The following VPS8 variants were observed in gnomAD, a reference collection of about 807,000 sequenced individuals.
VPS8 encodes VPS8 subunit of CORVET complex.
VPS8 carries 129 observed loss-of-function variants against 216.4 expected under a neutral mutation model. The observed-to-expected ratio is 0.60, with a 90% CI of 0.52 to 0.69. The LOEUF (loss-of-function observed/expected upper bound fraction) is 0.69, where lower values mean the gene tolerates loss of function less well. Ranked by LOEUF, VPS8 falls within the 30% of genes least tolerant of loss-of-function variation. The pLI, the probability that VPS8 is intolerant of heterozygous loss-of-function variation, is 0.00. For synonymous variants in VPS8, 571 were observed against 565.4 expected (o/e 1.01, Z -0.14); for missense variants, 1,531 against 1,683.5 (o/e 0.91, Z 1.59).
rs776520780 is a variant in VPS8 at position 184,834,634 on chromosome 3, C to CA, written c.354-15_354-14insA. The stretch of plus-strand genomic sequence containing the variant: ...TTTTTATCTGTTTTTAAATGTTTTT[C>CA]TTTTTTTTTTTCAGGAAGAAGAAAT... On this transcript the variant is annotated splice_polypyrimidine_tract_variant and intron_variant, in intron 4 of 47. Coordinates refer to ENST00000625842, the MANE Select transcript of VPS8 (RefSeq NM_001009921.3). The CA allele has an allele frequency of 8.7e-6, 10 of 1,143,816 alleles. No individual in the cohort carries two copies. The highest frequency in any genetic ancestry group is 1.2e-5 in the Non-Finnish European group (10 of 845,826). 70.9% of individuals were successfully genotyped at this position (1,143,816 alleles called of 1,614,324 possible). A position where few individuals can be genotyped will look rare whatever the true frequency, so the allele number is the denominator to read the frequency against.
chr3:185,027,995 G>A (rs546886482), intron 46 of VPS8, among the ~76,000 whole-genome samples: 10 of 152,238 alleles, frequency 6.6e-5, no homozygotes, highest in South Asian at 2.1e-4. Context: ...TCACCATGGC[G>A]GTTAACAAGT....
intron 3 of VPS8, among the ~76,000 whole-genome samples, chr3:184,828,857 A>G (rs1719377477): frequency 6.6e-6 from 1 of 152,228 alleles, no homozygotes; most frequent in African/African-American, 2.4e-5. Flanking sequence ...GCAGCCGAAC[A>G]TTACTAGTAC....
At chr3:184,951,881 C>T (rs1047103698) in intron 36 of VPS8, among the ~76,000 whole-genome samples, 2 of 152,166 alleles carry the variant, frequency 1.3e-5, no homozygotes. Flanking sequence ...GATTATTTCC[C>T]ATCAGACACG....
At chr3:184,862,225 C>T (rs1309624532) in intron 15 of VPS8, among the ~76,000 whole-genome samples, 3 of 151,912 alleles carry the variant, frequency 2.0e-5, no homozygotes, top group African/African-American at 4.8e-5. Flanking sequence ...TCTTGGGAAA[C>T]GATTGGGATT....
Position 184,898,666 on chromosome 3 carries a change from C to G in VPS8, c.2094+12C>G, listed in dbSNP as rs1733949572. 1 of 1,527,648 alleles carries G rather than the reference C, an allele frequency of 6.5e-7. No homozygotes were observed. Among genetic ancestry groups the G allele is most frequent in the Admixed American group, 2.2e-5 (1 of 45,706 alleles). 94.6% of individuals were successfully genotyped at this position (1,527,648 alleles called of 1,614,324 possible). A position where few individuals can be genotyped will look rare whatever the true frequency, so the allele number is the denominator to read the frequency against. On this transcript the variant is annotated intron_variant, in intron 24 of 47. Transcript: ENST00000625842. ...TTAGTCCAATGGAGGTAAGATACTT[C>G]CTAACTTGGATACGTAATTAATTTT... is the stretch of plus-strand genomic sequence containing the variant.
chr3:184,977,976 G>A (rs773443367), intron 40 of VPS8, among the ~76,000 whole-genome samples: 4 of 149,284 alleles, frequency 2.7e-5, no homozygotes, highest in African/African-American at 4.9e-5. Flanking sequence ...TCTCTCCTCC[G>A]TAATTTTTTT....
chr3:184,972,946 A>G (rs1011990060), intron 40 of VPS8, among the ~76,000 whole-genome samples: 2 of 152,222 alleles, frequency 1.3e-5, no homozygotes, highest in African/African-American at 4.8e-5. Context: ...ATATTTAGCC[A>G]TACATGTTAC....
chr3:184,839,680 C>T lies in VPS8; in HGVS notation c.481-18C>T, dbSNP rs777971362. The stretch of plus-strand genomic sequence containing the variant: ...TTAATGTAATGTCTTAAAACGTAAT[C>T]TTCCCTTTTGTTTTCAGGCAGTATC... On this transcript the variant is annotated intron_variant, in intron 6 of 47. Transcript: ENST00000625842. The T allele has an allele frequency of 6.3e-7, 1 of 1,593,840 alleles. No homozygotes were observed. Among genetic ancestry groups the T allele is most frequent in the African/African-American group, 1.3e-5 (1 of 74,628 alleles).
At chr3:184,888,413 A>G (rs1292861926) in intron 22 of VPS8, among the ~76,000 whole-genome samples, 1 of 152,216 alleles carries the variant, frequency 6.6e-6, no homozygotes, top group Non-Finnish European at 1.5e-5. Context: ...TAGCTGATGG[A>G]CAGTGATTGT....
intron 26 of VPS8, among the ~76,000 whole-genome samples, chr3:184,914,018 C>T (rs1266868223): frequency 6.6e-6 from 1 of 152,150 alleles, no homozygotes; most frequent in East Asian, 1.9e-4. Context: ...AAGTTAGTAA[C>T]AGAGGTAAAA....
chr3:184,924,709 C>G (rs1215082514), intron 29 of VPS8, among the ~76,000 whole-genome samples, 153 bp from the exon 30 acceptor site: 1 of 151,926 alleles, frequency 6.6e-6, no homozygotes, highest in East Asian at 1.9e-4. Context: ...TGTGCTTATT[C>G]TAAATGGCGT....
At chr3:185,048,389 C>A in intron 46 of VPS8, 90 bp from the exon 47 acceptor site, 1 of 1,221,618 alleles carries the variant, frequency 8.2e-7, no homozygotes, top group Non-Finnish European at 1.2e-6. Flanking sequence ...ATGAAGGAAG[C>A]ACCATGTTAT....
At chr3:184,967,415 C>T (rs1270780020) in intron 39 of VPS8, among the ~76,000 whole-genome samples, 1 of 152,102 alleles carries the variant, frequency 6.6e-6, no homozygotes, top group Non-Finnish European at 1.5e-5. Flanking sequence ...GCCAATGTTT[C>T]CAAACCGAAT....
chr3:184,913,542 A>G lies in VPS8; in HGVS notation c.2170A>G (p.Lys724Glu). Residue 724 changes from lysine (K) to glutamate (E), a missense_variant, in exon 26 of 48, where the codon AAG (lysine) becomes GAG (glutamate). Physicochemically the swap from Lys to Glu is moderately conservative, Grantham distance 56. Around this residue, in one of 3 missense-constraint regions of VPS8, gnomAD observed 1,318 missense variants for 1,468.4 expected, o/e 0.90. Coordinates refer to ENST00000625842, the MANE Select transcript of VPS8 (RefSeq NM_001009921.3). ...AGATGAACAAGTTGTTATGGGCAAT[A>G]AGCTCCTTGTATATATTAGGTAAGA... ...LTDEQVVMGNKLLVYISCCLA... is the reference protein window; with the variant it reads ...LTDEQVVMGNELLVYISCCLA... The G allele has an allele frequency of 6.3e-7, 1 of 1,587,370 alleles. No homozygotes were observed. The highest frequency in any genetic ancestry group is 8.6e-7 in the Non-Finnish European group (1 of 1,166,918).
At chr3:184,911,536 A>T (rs2109058695) in intron 25 of VPS8, among the ~76,000 whole-genome samples, 1 of 152,360 alleles carries the variant, frequency 6.6e-6, no homozygotes, top group East Asian at 1.9e-4. Flanking sequence ...TTCAGTGTTT[A>T]AAGGGTAGAG....
chr3:184,997,452 C>A (rs576945510), intron 44 of VPS8, among the ~76,000 whole-genome samples: 1 of 152,224 alleles, frequency 6.6e-6, no homozygotes, highest in Non-Finnish European at 1.5e-5. Flanking sequence ...CTGAGTGTTA[C>A]ATCTGCAGGA....
At chr3:184,877,560 A>G (rs1023689978) in intron 21 of VPS8, among the ~76,000 whole-genome samples, 2 of 152,154 alleles carry the variant, frequency 1.3e-5, no homozygotes, top group African/African-American at 4.8e-5. Context: ...TAGTCCTTAT[A>G]ACGTACTTGA....
chr3:184,951,694 AAAAG>A (rs1360739800), intron 36 of VPS8, among the ~76,000 whole-genome samples: 3 of 152,348 alleles, frequency 2.0e-5, no homozygotes, highest in African/African-American at 7.2e-5. Context: ...TAAAACTGAC[AAAAG>A]AAAGCAGTGG....
intron 1 of VPS8, among the ~76,000 whole-genome samples, chr3:184,821,019 T>C (rs1325285582): frequency 6.6e-6 from 1 of 152,224 alleles, no homozygotes; most frequent in Non-Finnish European, 1.5e-5. Flanking sequence ...ACAAAAATAC[T>C]GGATTTTGTT....
Sources: allele counts gnomAD v4.1 joint callset (sites outside exome capture counted in the v4.1 genomes callset), GRCh38; gene constraint gnomAD v4.1.1; regional missense constraint gnomAD v4.1.1; transcripts MANE v1.5; gene names NCBI Gene and HGNC (gene_info 2026-07-23, HGNC 2026-07-21).